The following ARHGAP26 variants were observed in gnomAD, a reference collection of about 807,000 sequenced individuals.
The protein encoded by ARHGAP26 is Rho GTPase activating protein 26, also known as rho GTPase-activating protein 26.
In ARHGAP26, 38 loss-of-function variants were observed where a neutral mutation model predicts 104.8. The ratio of observed to expected loss-of-function variants is 0.36; its 90% CI spans 0.28 to 0.48. The LOEUF (loss-of-function observed/expected upper bound fraction) is 0.48, where lower values mean the gene tolerates loss of function less well. Ranked by LOEUF, ARHGAP26 falls within the 20% of genes least tolerant of loss-of-function variation. The pLI, the probability that ARHGAP26 is intolerant of heterozygous loss-of-function variation, is 0.99. For missense variants in ARHGAP26, 704 were observed against 947.9 expected (o/e 0.74, Z 3.38); for synonymous variants, 341 against 340.0 (o/e 1.00, Z -0.03).
At chr5:143,038,019 C>A (rs1235270739) in intron 13 of ARHGAP26, among the ~76,000 whole-genome samples, 1 of 152,210 alleles carries the variant, frequency 6.6e-6, no homozygotes, top group Non-Finnish European at 1.5e-5. Flanking sequence ...CAGAGACAGC[C>A]ACAAAGGAGA....
intron 11 of ARHGAP26, among the ~76,000 whole-genome samples, chr5:142,963,186 A>ATATATATG (rs1770630748): frequency 1.0e-5 from 1 of 100,226 alleles, no homozygotes; most frequent in African/African-American, 7.3e-5. Context: ...ATATATATAT[A>ATATATATG]TATATATATA....
chr5:142,888,525 T>C (rs926179680), intron 5 of ARHGAP26, among the ~76,000 whole-genome samples: 3 of 152,220 alleles, frequency 2.0e-5, no homozygotes, highest in African/African-American at 7.2e-5. Context: ...TTTAGGAACA[T>C]TGTTGAGCAC....
intron 17 of ARHGAP26, among the ~76,000 whole-genome samples, chr5:143,098,565 G>A (rs1792750836): frequency 6.6e-6 from 1 of 152,092 alleles, no homozygotes; most frequent in African/African-American, 2.4e-5. Flanking sequence ...AAAAGAGAAA[G>A]ACCAATTCTT....
chr5:142,991,659 C>G (rs1306910439), intron 11 of ARHGAP26, among the ~76,000 whole-genome samples: 2 of 152,030 alleles, frequency 1.3e-5, no homozygotes, highest in African/African-American at 2.4e-5. Context: ...TGTTTAGATA[C>G]AGAAATACTA....
At chr5:142,792,686 C>A (rs927958202) in intron 1 of ARHGAP26, among the ~76,000 whole-genome samples, 1 of 152,110 alleles carries the variant, frequency 6.6e-6, no homozygotes, top group South Asian at 2.1e-4. Context: ...CTGAGAGCAC[C>A]CCGGCTGTGC....
chr5:142,875,139 C>T lies in ARHGAP26; in HGVS notation c.280C>T (p.Leu94Phe). 6.2e-7 allele frequency: 1 copy of T among 1,614,114 alleles called. No individual in the cohort carries two copies. The highest frequency in any genetic ancestry group is 2.2e-5 in the East Asian group (1 of 44,876). Residue 94 changes from leucine to phenylalanine, a missense_variant, in exon 3 of 23, where the codon CTC becomes TTC. Coordinates refer to ENST00000645722, the MANE Select transcript of ARHGAP26 (RefSeq NM_001135608.3). ...ATCTTTGCAGGAGTTTGCCACTGTC[C>T]TCAGGAATCTTGAAGATGAACGGAT... is the stretch of plus-strand genomic sequence containing the variant. ...ARSLQEFATV[L>F]RNLEDERIRM...
chr5:143,132,872 A>C (rs1360253267), intron 18 of ARHGAP26, among the ~76,000 whole-genome samples: 5 of 152,136 alleles, frequency 3.3e-5, no homozygotes, highest in Admixed American at 6.5e-5. Flanking sequence ...AAAAAAAAAA[A>C]AAAAAACTGT....
intron 10 of ARHGAP26, among the ~76,000 whole-genome samples, chr5:142,926,489 C>T (rs187194404): frequency 7.4e-4 from 113 of 152,264 alleles, no homozygotes; most frequent in Admixed American, 1.2e-3. Context: ...TCTCATCTGG[C>T]GGGTGGAGGG....
chr5:143,087,067 C>T (rs762445153), intron 17 of ARHGAP26, among the ~76,000 whole-genome samples: 6 of 152,188 alleles, frequency 3.9e-5, no homozygotes, highest in Non-Finnish European at 7.3e-5. Context: ...GGCATTGTGA[C>T]TCATGTGTGT....
chr5:143,039,528 AT>A (rs201764945), intron 13 of ARHGAP26, among the ~76,000 whole-genome samples: 6 of 149,878 alleles, frequency 4.0e-5, no homozygotes, highest in South Asian at 2.1e-4. Context: ...AGGAGTTTTA[AT>A]TTTTTTTTTT....
At chr5:143,057,519 T>C (rs1786000270) in intron 16 of ARHGAP26, 123 bp from the exon 17 acceptor site, 3 of 769,696 alleles carry the variant, frequency 3.9e-6, no homozygotes, top group African/African-American at 3.5e-5. Context: ...CAAGACAGGA[T>C]TGTAAATCTT....
intron 1 of ARHGAP26, among the ~76,000 whole-genome samples, chr5:142,812,230 A>G (rs1002375622): frequency 2.9e-4 from 44 of 152,278 alleles, no homozygotes; most frequent in African/African-American, 1.1e-3. Context: ...AACTCACTGT[A>G]GCATGGTTGG....
At chr5:143,143,559 C>T (rs1366751535) in intron 19 of ARHGAP26, among the ~76,000 whole-genome samples, 1 of 152,194 alleles carries the variant, frequency 6.6e-6, no homozygotes, top group Non-Finnish European at 1.5e-5. Context: ...ACTTTGGTTT[C>T]AAGGACATTT....
intron 10 of ARHGAP26, chr5:142,922,221 G>A (rs1763289638): frequency 6.6e-6 from 1 of 152,126 alleles, no homozygotes; most frequent in African/African-American, 2.4e-5. Flanking sequence ...TTGCTAAGAG[G>A]TGTGTGTGTA....
At chr5:143,111,470 A>T (rs1198717767) in intron 17 of ARHGAP26, among the ~76,000 whole-genome samples, 1 of 152,160 alleles carries the variant, frequency 6.6e-6, no homozygotes. Flanking sequence ...ATATTAATGG[A>T]ATTTCCCTCC....
At position 142,879,359 on chromosome 5, in the gene ARHGAP26, G is replaced by T. The variant is rs749788598; in HGVS notation, c.313-15G>T. 6.2e-7 allele frequency: 1 copy of T among 1,612,826 alleles called. No individual in the cohort carries two copies. The highest frequency in any genetic ancestry group is 8.5e-7 in the Non-Finnish European group (1 of 1,178,850). On this transcript the variant is annotated splice_polypyrimidine_tract_variant and intron_variant, in intron 3 of 22. Coordinates refer to ENST00000645722, the MANE Select transcript of ARHGAP26 (RefSeq NM_001135608.3). ...TTTTGTGTCTTCTTTCCCTTACTCT[G>T]TTGTTCTTCACCAGATTGAGAATGC...
chr5:143,048,262 C>T (rs575144630), intron 14 of ARHGAP26, among the ~76,000 whole-genome samples: 3 of 151,996 alleles, frequency 2.0e-5, no homozygotes, highest in Admixed American at 1.3e-4. Context: ...TTTTTGTTGT[C>T]TTATGACTAT....
intron 12 of ARHGAP26, among the ~76,000 whole-genome samples, chr5:143,023,487 C>T (rs947906222): frequency 2.0e-5 from 3 of 152,270 alleles, no homozygotes; most frequent in South Asian, 2.1e-4. Context: ...AAAAATCCAC[C>T]GTCTCATGAA....
chr5:143,175,980 G>T (rs914067359), intron 20 of ARHGAP26, among the ~76,000 whole-genome samples: 12 of 152,106 alleles, frequency 7.9e-5, no homozygotes, highest in Admixed American at 3.9e-4. Context: ...CGGGCGTGGT[G>T]GTGTGCCCCT....
Sources: gnomAD v4.1 joint callset for allele counts (sites outside exome capture counted in the v4.1 genomes callset) on GRCh38, gnomAD v4.1.1 for gene constraint, MANE v1.5 for transcripts, NCBI Gene and HGNC (gene_info 2026-07-23, HGNC 2026-07-21) for gene names.